Variants in SNX29 observed in about 807,000 individuals in gnomAD.
The protein encoded by SNX29 is sorting nexin 29.
Under a neutral mutation model 102.1 loss-of-function variants are expected in SNX29, and 78 were observed. That is an observed-to-expected ratio of 0.76 (90% confidence interval 0.64 to 0.92). The LOEUF is 0.92. Among genes scored for constraint, SNX29 ranks in the 40% least tolerant of loss-of-function variants. SNX29 has a pLI of 0.00. For synonymous variants in SNX29, 580 were observed against 414.5 expected (o/e 1.40, Z -4.85); for missense variants, 1,280 against 1,061.7 (o/e 1.21, Z -2.86).
At chr16:12,187,685 T>A (rs570541426) in intron 13 of SNX29, among the ~76,000 whole-genome samples, 16 of 152,130 alleles carry the variant, frequency 1.1e-4, no homozygotes, top group Non-Finnish European at 1.8e-4. Flanking sequence ...CCAACCCCCT[T>A]TTTTTGAAGG....
chr16:12,290,980 G>A (rs1368308586), intron 15 of SNX29, among the ~76,000 whole-genome samples: 5 of 152,156 alleles, frequency 3.3e-5, no homozygotes, highest in Admixed American at 1.3e-4. Context: ...GAATTGAATG[G>A]TATCTATTCA....
intron 15 of SNX29, among the ~76,000 whole-genome samples, chr16:12,351,605 C>G (rs13336090): frequency 0.17 from 25,254 of 152,052 alleles, 4,580 homozygotes; most frequent in African/African-American, 0.46. Context: ...TAATCCTTTT[C>G]TGATTTGGCA....
chr16:12,558,717 G>C (rs1567198242), intron 20 of SNX29, among the ~76,000 whole-genome samples: 1 of 152,144 alleles, frequency 6.6e-6, no homozygotes, highest in East Asian at 1.9e-4. Context: ...TTCTACGGGG[G>C]GCTGCACAAG....
At chr16:11,981,882 GCTGCAT>G (rs2055424813) in intron 1 of SNX29, among the ~76,000 whole-genome samples, 2 of 152,216 alleles carry the variant, frequency 1.3e-5, no homozygotes, top group South Asian at 4.1e-4. Flanking sequence ...CATCACCGTG[GCTGCAT>G]CTCAACGTTA....
intron 18 of SNX29, among the ~76,000 whole-genome samples, chr16:12,406,427 C>A (rs2084169374): frequency 6.6e-6 from 1 of 152,244 alleles, no homozygotes; most frequent in Non-Finnish European, 1.5e-5. Context: ...CCGTGACAGC[C>A]ACTGTCTGGT....
At chr16:12,375,637 C>T (rs532490604) in intron 16 of SNX29, 14 of 152,368 alleles carry the variant, frequency 9.2e-5, no homozygotes, top group African/African-American at 3.1e-4. Flanking sequence ...GGAGGCCACC[C>T]TCGGTTTCTT....
chr16:12,513,384 C>T (rs1012819224), intron 19 of SNX29, among the ~76,000 whole-genome samples: 2 of 151,516 alleles, frequency 1.3e-5, no homozygotes, highest in African/African-American at 4.9e-5. Context: ...CCCTGCCCTG[C>T]TCTCCCTTCC....
intron 15 of SNX29, among the ~76,000 whole-genome samples, chr16:12,354,674 C>T (rs1358932546): frequency 1.3e-5 from 2 of 152,124 alleles, no homozygotes; most frequent in Non-Finnish European, 2.9e-5. Context: ...GGATTCACAG[C>T]CCAGAGGAAG....
intron 11 of SNX29, among the ~76,000 whole-genome samples, chr16:12,114,571 T>C (rs2053620085): frequency 7.0e-6 from 1 of 142,286 alleles, no homozygotes; most frequent in South Asian, 2.2e-4. Flanking sequence ...TCGTCATTCC[T>C]TTTTTTTTTT....
intron 20 of SNX29, chr16:12,556,408 A>C (rs973335450): frequency 1.3e-5 from 2 of 152,288 alleles, no homozygotes; most frequent in African/African-American, 4.8e-5. Flanking sequence ...ACAGAAGATG[A>C]CACTTCAGAT....
At chr16:12,517,076 TGAA>T (rs1163190928) in intron 19 of SNX29, among the ~76,000 whole-genome samples, 2 of 152,220 alleles carry the variant, frequency 1.3e-5, no homozygotes, top group Non-Finnish European at 2.9e-5. Flanking sequence ...GTGCCGTCTA[TGAA>T]TAGCTCTCAG....
At chr16:12,156,765 GTC>G (rs753150167) in intron 13 of SNX29, among the ~76,000 whole-genome samples, 5 of 152,248 alleles carry the variant, frequency 3.3e-5, no homozygotes, top group Non-Finnish European at 5.9e-5. Context: ...TCTCAGGGCT[GTC>G]TGTTTATCCA....
chr16:12,568,104 A>G (rs1228576690), intron 20 of SNX29, among the ~76,000 whole-genome samples: 1 of 152,166 alleles, frequency 6.6e-6, no homozygotes, highest in Non-Finnish European at 1.5e-5. Flanking sequence ...TTTGCTACGC[A>G]TCTTGTGTGG....
At chr16:12,518,729 G>A (rs1418734655) in intron 19 of SNX29, among the ~76,000 whole-genome samples, 1 of 152,198 alleles carries the variant, frequency 6.6e-6, no homozygotes, top group Admixed American at 6.5e-5. Flanking sequence ...TCACAGGCCT[G>A]GTGGGCCATG....
chr16:12,417,127 G>T (rs1049430207), intron 18 of SNX29, among the ~76,000 whole-genome samples: 1 of 152,244 alleles, frequency 6.6e-6, no homozygotes, highest in Non-Finnish European at 1.5e-5. Context: ...ACCATTCCAT[G>T]AGACAATCAG....
chr16:12,086,697 A>T (rs1483533720), intron 11 of SNX29: 7 of 152,122 alleles, frequency 4.6e-5, no homozygotes, highest in Non-Finnish European at 7.4e-5. Flanking sequence ...TTACGACATG[A>T]CCTACTATGC....
At chr16:12,534,559 C>G (rs918286767) in intron 20 of SNX29, among the ~76,000 whole-genome samples, 1 of 152,176 alleles carries the variant, frequency 6.6e-6, no homozygotes, top group African/African-American at 2.4e-5. Context: ...GGAAATTGGT[C>G]ACAGGTTATT....
chr16:12,496,339 C>T (rs1370221900), intron 19 of SNX29, among the ~76,000 whole-genome samples: 2 of 152,032 alleles, frequency 1.3e-5, no homozygotes, highest in African/African-American at 4.8e-5. Context: ...ATGCCTGCAG[C>T]TCAGGGTACA....
chr16:12,439,926 G>A (rs2085724969), intron 18 of SNX29, among the ~76,000 whole-genome samples: 1 of 152,192 alleles, frequency 6.6e-6, no homozygotes, highest in South Asian at 2.1e-4. Flanking sequence ...TATCTGGTGG[G>A]GTTCAGCTGG....
Sources: allele counts gnomAD v4.1 joint callset (sites outside exome capture counted in the v4.1 genomes callset), GRCh38; gene constraint gnomAD v4.1.1; transcripts MANE v1.5; gene names NCBI Gene and HGNC (gene_info 2026-07-23, HGNC 2026-07-21).